The following SLC35E1 variants were observed in gnomAD, a reference collection of about 807,000 sequenced individuals.
SLC35E1 encodes solute carrier family 35, member E1.
Under a neutral mutation model 31.0 loss-of-function variants are expected in SLC35E1, and 12 were observed. The observed-to-expected ratio is 0.39, with a 90% CI of 0.25 to 0.63. SLC35E1 has a LOEUF of 0.63. SLC35E1 is among the 20% of genes least tolerant of loss of function. SLC35E1 has a pLI of 0.52. For missense variants in SLC35E1, 429 were observed against 572.2 expected (o/e 0.75, Z 2.55); for synonymous variants, 257 against 264.1 (o/e 0.97, Z 0.26).
Position 16,555,272 on chromosome 19 carries a change from G to A in SLC35E1, c.882C>T (p.Ala294=), listed in dbSNP as rs2085869873. The A allele has an allele frequency of 1.2e-6, 2 of 1,614,182 alleles. No individual in the cohort carries two copies. The highest frequency in any genetic ancestry group is 1.3e-5 in the African/African-American group (1 of 75,040). The change falls in exon 5 of 6, where the codon GCC becomes GCT. Residue 294 remains alanine, a synonymous_variant. Coordinates refer to ENST00000595753, the MANE Select transcript of SLC35E1 (RefSeq NM_024881.5). The surrounding 1 kb of genome is among the most constrained non-coding windows in gnomAD (Gnocchi z 4.1). ...NLVSPLSYSV[A]NATKRIMVIT... is the part of the protein sequence containing the mutation. ...TGACCATGATTCTTTTGGTGGCATT[G>A]GCGACCGAGTAGCTCAGGGGGCTAA...
At chr19:16,571,411 C>T in intron 2 of SLC35E1, 101 bp downstream of exon 2, 1 of 1,249,280 alleles carries the variant, frequency 8.0e-7, no homozygotes, top group South Asian at 1.2e-5. Context: ...TGACGGGAAG[C>T]CAGGCAGCCT....
intron 4 of SLC35E1, chr19:16,557,198 A>AT (rs951255715): frequency 0.043 from 11,291 of 265,496 alleles, 1 homozygote; most frequent in South Asian, 0.076. Flanking sequence ...AATTCCAGGC[A>AT]TTTTTTTTTT....
intron 4 of SLC35E1, among the ~76,000 whole-genome samples, chr19:16,561,213 C>CAAAAAAAAAAAAAACAAAAAAAA (rs2085904098): frequency 4.0e-5 from 1 of 24,744 alleles, no homozygotes; most frequent in Non-Finnish European, 5.9e-5. Context: ...GACTCCATCT[C>CAAAAAAAAAAAAAACAAAAAAAA]AAAAAAAAAA....
chr19:16,553,567 T>C lies in SLC35E1; in HGVS notation c.*112A>G, dbSNP rs1340063483. 6.7e-6 allele frequency: 7 copies of C among 1,042,916 alleles called. No individual in the cohort carries two copies. Among genetic ancestry groups the C allele is most frequent in the African/African-American group, 1.6e-5 (1 of 61,766 alleles). The allele number at this position is 1,042,916 out of a possible 1,614,324, so 64.6% of individuals were successfully genotyped here. On this transcript the variant is annotated 3_prime_UTR_variant, in exon 6 of 6. Coordinates refer to ENST00000595753, the MANE Select transcript of SLC35E1 (RefSeq NM_024881.5). ...AACCCCAGGGCTTCTGATGGAGAGT[T>C]ATGCACCGTCCCCTCGGCTGGGTTG...
At chr19:16,561,161 C>T (rs2085903705) in intron 4 of SLC35E1, among the ~76,000 whole-genome samples, 2 of 124,136 alleles carry the variant, frequency 1.6e-5, no homozygotes, top group Admixed American at 1.0e-4. Flanking sequence ...TTGCAGCGAG[C>T]TGAGATCACG....
At chr19:16,567,697 G>T (rs971299306) in intron 3 of SLC35E1, among the ~76,000 whole-genome samples, 1 of 152,148 alleles carries the variant, frequency 6.6e-6, no homozygotes. Flanking sequence ...GAGTAGCTGG[G>T]ATTACAGATG....
At chr19:16,560,881 C>CAAAAAAAAAAAAAAAAAAAA (rs1304202019) in intron 4 of SLC35E1, among the ~76,000 whole-genome samples, 1 of 68,060 alleles carries the variant, frequency 1.5e-5, no homozygotes, top group Non-Finnish European at 2.9e-5. Flanking sequence ...AAAAAAAAAC[C>CAAAAAAAAAAAAAAAAAAAA]AAAAAAAAAA....
chr19:16,565,414 T>TG (rs1274032708), intron 4 of SLC35E1: 2 of 277,296 alleles, frequency 7.2e-6, no homozygotes, highest in Non-Finnish European at 1.4e-5. Flanking sequence ...TTCACCATAT[T>TG]GGTCAGGCTG....
Position 16,572,077 on chromosome 19 carries a change from A to AT in SLC35E1, c.287dup (p.His96GlnfsTer92). ...GCGGCAGCAGCGGGCCGGACGACGG[A>AT]TGCGGACTGGGTCCGGGGCCCGAGA... On this transcript the variant is annotated frameshift_variant, in exon 1 of 6. Coordinates refer to ENST00000595753, the MANE Select transcript of SLC35E1 (RefSeq NM_024881.5). LOFTEE classifies it high-confidence loss of function. This position sits in a 1 kb window ranked among gnomAD's most constrained non-coding sequence, Gnocchi z 4.1. 1 of 1,538,380 alleles carries AT rather than the reference A, an allele frequency of 6.5e-7. No individual in the cohort carries two copies. Among genetic ancestry groups the AT allele is most frequent in the Non-Finnish European group, 8.8e-7 (1 of 1,142,218 alleles).
chr19:16,557,056 G>T, intron 4 of SLC35E1: 1 of 446,826 alleles, frequency 2.2e-6, no homozygotes. Flanking sequence ...AAGGTGATCG[G>T]TTAGGATTTC....
chr19:16,564,431 G>A (rs191876589), intron 4 of SLC35E1, among the ~76,000 whole-genome samples: 1 of 152,042 alleles, frequency 6.6e-6, no homozygotes. Flanking sequence ...TCAGCCTCCT[G>A]AGTAGCTGGG....
In SLC35E1 at chr19:16,555,204, G is replaced by C; in HGVS notation, c.950C>G (p.Thr317Ser). The C allele has an allele frequency of 1.2e-6, 2 of 1,614,190 alleles. No homozygotes were observed. Among genetic ancestry groups the C allele is most frequent in the Non-Finnish European group, 1.7e-6 (2 of 1,180,036 alleles). Residue 317 changes from threonine to serine, a missense_variant, in exon 5 of 6, where the codon ACC becomes AGC. Coordinates refer to ENST00000595753, the MANE Select transcript of SLC35E1 (RefSeq NM_024881.5). The surrounding 1 kb of genome is among the most constrained non-coding windows in gnomAD (Gnocchi z 4.1). ...LIMLRNPVTS[T>S]NVLGMMTAIL... ...GGCGGTCATCATGCCCAGGACGTTG[G>C]TGCTGGTGACTGGGTTGCGCAGCAT...
chr19:16,554,725 G>T (rs1404008515), intron 5 of SLC35E1, among the ~76,000 whole-genome samples: 1 of 151,352 alleles, frequency 6.6e-6, no homozygotes, highest in Non-Finnish European at 1.5e-5. Flanking sequence ...GGCTGAGGCA[G>T]GAGAATCGCT....
Position 16,553,849 on chromosome 19 carries a change from G to C in SLC35E1, c.1063C>G (p.Leu355Val), listed in dbSNP as rs1248748307. The change falls in exon 6 of 6, where the codon CTG becomes GTG. Residue 355 changes from leucine to valine, a missense_variant. Leu to Val is a conservative substitution (Grantham distance 32, BLOSUM62 1). Transcript: ENST00000595753. ...KHLLPVTTAD[L>V]SSKERHRSPL... ...CTCCGGTGACGCTCCTTGCTGCTCAGGTCTGCTGTGGTGACGGGGAGGAGG... is the reference window on the plus strand; with the variant it reads ...CTCCGGTGACGCTCCTTGCTGCTCACGTCTGCTGTGGTGACGGGGAGGAGG... The C allele has an allele frequency of 6.2e-7, 1 of 1,613,786 alleles. No homozygotes were observed. Among genetic ancestry groups the C allele is most frequent in the Non-Finnish European group, 8.5e-7 (1 of 1,179,802 alleles).
intron 4 of SLC35E1, among the ~76,000 whole-genome samples, chr19:16,561,758 G>A (rs2085907474): frequency 6.6e-6 from 1 of 152,244 alleles, no homozygotes; most frequent in African/African-American, 2.4e-5. Flanking sequence ...CCTGCTGTCT[G>A]TGTAGTCTAT....
chr19:16,553,966 T>C, intron 5 of SLC35E1, 57 bp from the exon 6 acceptor site: 3 of 1,456,514 alleles, frequency 2.1e-6, no homozygotes, highest in African/African-American at 1.4e-5. Context: ...GAGCTCGTAA[T>C]TCAAAGTCAA....
rs1203940628 is a variant in SLC35E1 at position 16,555,381 on chromosome 19, C to G, written c.773G>C (p.Trp258Ser). ...AGCCAGGAGCAGGAGCGTCCAGGGC[C>G]ACTGGTAGACGTAGGTCTGCAGAGA... Reference protein sequence around the residue: ...VSSDLTYVYQWPWTLLLLAVS... With the variant: ...VSSDLTYVYQSPWTLLLLAVS... The change falls in exon 5 of 6, where the codon TGG (tryptophan) becomes TCG (serine). Residue 258 changes from tryptophan (W) to serine (S), a missense_variant. Trp to Ser is a radical substitution (Grantham distance 177, BLOSUM62 -3). Coordinates refer to ENST00000595753, the MANE Select transcript of SLC35E1 (RefSeq NM_024881.5). The surrounding 1 kb of genome is among the most constrained non-coding windows in gnomAD (Gnocchi z 4.1). 6.2e-7 allele frequency: 1 copy of G among 1,613,790 alleles called. No individual in the cohort carries two copies. Among genetic ancestry groups the G allele is most frequent in the Admixed American group, 1.7e-5 (1 of 60,016 alleles).
chr19:16,566,401 C>G (rs2085932457), intron 4 of SLC35E1, 131 bp downstream of exon 4: 2 of 1,268,490 alleles, frequency 1.6e-6, no homozygotes, highest in African/African-American at 3.0e-5. Flanking sequence ...AGAGGACTGA[C>G]TGCTGAAAGC....
At position 16,556,862 on chromosome 19, in the gene SLC35E1, A is replaced by C. The variant is rs575410392; in HGVS notation, c.757-1465T>G. 264 of 471,316 alleles carry C rather than the reference A, an allele frequency of 5.6e-4. 1 individual carries two copies. The highest frequency in any genetic ancestry group is 4.8e-3 in the African/African-American group (239 of 50,208). 29.2% of individuals were successfully genotyped at this position (471,316 alleles called of 1,614,324 possible). A position where few individuals can be genotyped will look rare whatever the true frequency, so the allele number is the denominator to read the frequency against. On this transcript the variant is annotated intron_variant, in intron 4 of 5. Transcript: ENST00000595753. ...CTCTCAAATGCAAGAAGACACGCTT[A>C]GGCGACCAGCTCAATGTCAACCAAC...
Sources: gnomAD v4.1 joint callset for allele counts (sites outside exome capture counted in the v4.1 genomes callset) on GRCh38, gnomAD v4.1.1 for gene constraint, Gnocchi (gnomAD v3.1) non-coding constraint, MANE v1.5 for transcripts, NCBI Gene and HGNC (gene_info 2026-07-23, HGNC 2026-07-21) for gene names.